DTWD2: variants seen among roughly 807,000 people sequenced by gnomAD.
The protein encoded by DTWD2 is tRNA-uridine aminocarboxypropyltransferase 2.
A neutral mutation model predicts 31.8 loss-of-function variants in DTWD2; 39 were observed. The observed-to-expected ratio is 1.22, with a 90% CI of 0.95 to 1.60. The LOEUF (loss-of-function observed/expected upper bound fraction) is 1.60, where lower values mean the gene tolerates loss of function less well. Ranked by LOEUF, DTWD2 falls within the 40% of genes most tolerant of loss-of-function variation. The pLI is 0.00. For synonymous variants in DTWD2, 180 were observed against 142.8 expected (o/e 1.26, Z -1.86); for missense variants, 515 against 381.5 (o/e 1.35, Z -2.92).
chr5:118,968,621 A>G (rs1640562912), intron 1 of DTWD2, among the ~76,000 whole-genome samples: 1 of 152,208 alleles, frequency 6.6e-6, no homozygotes, highest in Admixed American at 6.5e-5. Flanking sequence ...TGCAACCTGC[A>G]GATCAGGAGA....
In DTWD2 at chr5:118,943,903, C is replaced by T. The variant is rs367552220; in HGVS notation, c.309+656G>A. Among the ~76,000 whole-genome samples the T allele has an allele frequency of 2.5e-4, 38 of 152,286 alleles. No homozygotes were observed. The South Asian group carries it at 4.3e-3, about 17-fold the overall frequency. ...CTATGATGTCCTCAGTTCCTAAATA[C>T]TGAAAGAGTTTTAACTGCATTTTAC... On this transcript the variant is annotated intron_variant, in intron 2 of 5. Coordinates refer to ENST00000510708, the MANE Select transcript of DTWD2 (RefSeq NM_173666.4).
intron 1 of DTWD2, among the ~76,000 whole-genome samples, chr5:118,950,403 C>A (rs1423771704): frequency 6.6e-6 from 1 of 152,074 alleles, no homozygotes; most frequent in African/African-American, 2.4e-5. Context: ...GCCTTACCCT[C>A]CACTGTAAGA....
chr5:118,964,012 C>A (rs1232697025), intron 1 of DTWD2, among the ~76,000 whole-genome samples: 1 of 152,068 alleles, frequency 6.6e-6, no homozygotes, highest in African/African-American at 2.4e-5. Context: ...GTGTTCAAGA[C>A]CAGCCTGGCC....
intron 5 of DTWD2, among the ~76,000 whole-genome samples, chr5:118,843,377 G>T (rs1263436958): frequency 6.7e-6 from 1 of 149,582 alleles, no homozygotes; most frequent in African/African-American, 2.5e-5. Flanking sequence ...AAGGGAGGAA[G>T]GAAGGAGAGA....
chr5:118,925,891 C>T (rs948760907), intron 4 of DTWD2, among the ~76,000 whole-genome samples: 1 of 151,826 alleles, frequency 6.6e-6, no homozygotes, highest in African/African-American at 2.4e-5. Context: ...GTCAAGCAAT[C>T]CCACTACTGG....
intron 1 of DTWD2, among the ~76,000 whole-genome samples, chr5:118,983,488 C>T (rs1755353706): frequency 6.6e-6 from 1 of 151,950 alleles, no homozygotes; most frequent in Admixed American, 6.5e-5. Flanking sequence ...GCACTCTTCC[C>T]TTCTCTCTCT....
At chr5:118,966,135 C>T (rs930034470) in intron 1 of DTWD2, among the ~76,000 whole-genome samples, 1 of 152,118 alleles carries the variant, frequency 6.6e-6, no homozygotes, top group Non-Finnish European at 1.5e-5. Context: ...AAACCCTGCC[C>T]AGAAAAATAC....
chr5:118,917,322 G>T (rs1753600007), intron 4 of DTWD2, among the ~76,000 whole-genome samples: 1 of 152,082 alleles, frequency 6.6e-6, no homozygotes, highest in Non-Finnish European at 1.5e-5. Context: ...AGGTGATGAG[G>T]GTCCCTTTCC....
chr5:118,847,329 T>A (rs1751881752), intron 5 of DTWD2, among the ~76,000 whole-genome samples: 1 of 152,050 alleles, frequency 6.6e-6, no homozygotes, highest in Admixed American at 6.6e-5. Flanking sequence ...GAGTTATAAA[T>A]CCCTTTTAGT....
chr5:118,844,235 T>C (rs1362362043), intron 5 of DTWD2, among the ~76,000 whole-genome samples: 1 of 152,248 alleles, frequency 6.6e-6, no homozygotes, highest in Non-Finnish European at 1.5e-5. Context: ...GAACCATTAC[T>C]ACCAACTGCA....
At chr5:118,869,587 A>C (rs553406544) in intron 4 of DTWD2, among the ~76,000 whole-genome samples, 1 of 152,296 alleles carries the variant, frequency 6.6e-6, no homozygotes, top group South Asian at 2.1e-4. Flanking sequence ...ATACCATAAC[A>C]TAATGTTCAT....
At chr5:118,874,248 T>C (rs1752572425) in intron 4 of DTWD2, among the ~76,000 whole-genome samples, 1 of 152,146 alleles carries the variant, frequency 6.6e-6, no homozygotes, top group Non-Finnish European at 1.5e-5. Flanking sequence ...ACCACAAAGA[T>C]GGGAAAGAAT....
At chr5:118,956,066 TC>T (rs1754577705) in intron 1 of DTWD2, among the ~76,000 whole-genome samples, 1 of 152,188 alleles carries the variant, frequency 6.6e-6, no homozygotes, top group African/African-American at 2.4e-5. Context: ...CTTGGGCATG[TC>T]ACAGATTTTC....
chr5:118,902,735 T>G (rs1303900515), intron 4 of DTWD2, among the ~76,000 whole-genome samples: 1 of 152,126 alleles, frequency 6.6e-6, no homozygotes, highest in Non-Finnish European at 1.5e-5. Context: ...TAATAACTAC[T>G]GGAACTCATA....
At chr5:118,945,774 AAAAGAAAGAAAG>A (rs56103316) in intron 1 of DTWD2, among the ~76,000 whole-genome samples, 2,255 of 134,312 alleles carry the variant, frequency 0.017, 43 homozygotes, top group African/African-American at 0.026. Context: ...CAAAAAAAAA[AAAAGAAAGAAAG>A]AAAGAAAGAA....
chr5:118,855,632 T>C (rs924299895), intron 4 of DTWD2, among the ~76,000 whole-genome samples: 9 of 152,286 alleles, frequency 5.9e-5, no homozygotes, highest in Middle Eastern at 3.4e-3. Flanking sequence ...AGAATATCTT[T>C]AGTATCAAGA....
At chr5:118,918,139 T>C (rs1345183864) in intron 4 of DTWD2, among the ~76,000 whole-genome samples, 3 of 152,180 alleles carry the variant, frequency 2.0e-5, no homozygotes, top group Admixed American at 6.5e-5. Flanking sequence ...GACTAATATA[T>C]TCATTATTTA....
chr5:118,939,836 T>G (rs555883538), intron 2 of DTWD2, among the ~76,000 whole-genome samples: 25 of 152,144 alleles, frequency 1.6e-4, no homozygotes, highest in African/African-American at 5.8e-4. Flanking sequence ...TGGCTAAAAT[T>G]GAACAATCTG....
chr5:118,973,741 C>T (rs1755054697), intron 1 of DTWD2: 2 of 1,598,230 alleles, frequency 1.3e-6, no homozygotes, highest in Admixed American at 3.3e-5. Context: ...GCCAGAGTCC[C>T]TGAACTCTCG....
Sources: allele counts gnomAD v4.1 joint callset (sites outside exome capture counted in the v4.1 genomes callset), GRCh38; gene constraint gnomAD v4.1.1; transcripts MANE v1.5; gene names NCBI Gene and HGNC (gene_info 2026-07-23, HGNC 2026-07-21).